Variants in GRID2 observed in about 807,000 individuals in gnomAD.
GRID2 encodes the protein glutamate receptor ionotropic, delta-2.
In GRID2, 33 loss-of-function variants were observed where a neutral mutation model predicts 114.8. The ratio of observed to expected loss-of-function variants is 0.29; its 90% CI spans 0.22 to 0.38. GRID2 has a LOEUF of 0.38. Among genes scored for constraint, GRID2 ranks in the 10% least tolerant of loss-of-function variants. GRID2 has a pLI of 1.00. For synonymous variants in GRID2, 505 were observed against 449.9 expected, an observed-to-expected ratio of 1.12 and a Z score of -1.55; for missense variants, 1,184 against 1,257.7, an observed-to-expected ratio of 0.94 and a Z score of 0.89.
chr4:92,375,433 T>G (rs1729309056), intron 1 of GRID2, among the ~76,000 whole-genome samples: 1 of 152,152 alleles, frequency 6.6e-6, no homozygotes, highest in African/African-American at 2.4e-5. Flanking sequence ...GCTTTGAAAA[T>G]TATAGTATCC....
At chr4:92,529,701 A>C (rs2149148756) in intron 1 of GRID2, among the ~76,000 whole-genome samples, 1 of 152,230 alleles carries the variant, frequency 6.6e-6, no homozygotes, top group Non-Finnish European at 1.5e-5. Context: ...GAGGTGTTAA[A>C]GGATTTAAGC....
At chr4:93,707,579 C>A (rs1388694679) in intron 14 of GRID2, among the ~76,000 whole-genome samples, 1 of 151,724 alleles carries the variant, frequency 6.6e-6, no homozygotes, top group Non-Finnish European at 1.5e-5. Context: ...TTATTTGGCT[C>A]TTCTCTCTTT....
At chr4:93,450,931 G>A (rs1453037472) in intron 10 of GRID2, among the ~76,000 whole-genome samples, 1 of 151,612 alleles carries the variant, frequency 6.6e-6, no homozygotes, top group East Asian at 1.9e-4. Flanking sequence ...AATTATTCAG[G>A]ATATTAATCT....
At chr4:93,296,930 CT>C (rs964236173) in intron 8 of GRID2, among the ~76,000 whole-genome samples, 4 of 152,166 alleles carry the variant, frequency 2.6e-5, no homozygotes, top group African/African-American at 4.8e-5. Context: ...GTGATTCCCC[CT>C]ATATTGTATT....
chr4:93,227,261 A>G (rs915653970), intron 7 of GRID2, among the ~76,000 whole-genome samples: 4 of 151,822 alleles, frequency 2.6e-5, no homozygotes, highest in Non-Finnish European at 4.4e-5. Flanking sequence ...TTTTTTTGAC[A>G]GTCTCGCACA....
intron 1 of GRID2, among the ~76,000 whole-genome samples, chr4:92,348,251 A>T (rs554755587): frequency 6.6e-6 from 1 of 152,326 alleles, no homozygotes; most frequent in Admixed American, 6.5e-5. Flanking sequence ...GTCATGAGCC[A>T]CCATGCCTGA....
intron 8 of GRID2, among the ~76,000 whole-genome samples, chr4:93,311,785 C>T (rs540934205): frequency 6.6e-6 from 1 of 152,060 alleles, no homozygotes; most frequent in South Asian, 2.1e-4. Context: ...CCAAATGATG[C>T]TTTGTGTTAA....
At chr4:92,884,091 T>G (rs1430904354) in intron 2 of GRID2, among the ~76,000 whole-genome samples, 2 of 152,174 alleles carry the variant, frequency 1.3e-5, no homozygotes, top group African/African-American at 4.8e-5. Flanking sequence ...TCATCTATGA[T>G]CCTAGCTAGA....
At chr4:92,580,352 A>G (rs1444081252) in intron 1 of GRID2, among the ~76,000 whole-genome samples, 1 of 151,814 alleles carries the variant, frequency 6.6e-6, no homozygotes, top group Non-Finnish European at 1.5e-5. Context: ...AAAATTACAA[A>G]TGAGTTCAGA....
chr4:92,597,629 C>T (rs1321662939), intron 2 of GRID2, among the ~76,000 whole-genome samples: 1 of 152,124 alleles, frequency 6.6e-6, no homozygotes, highest in Admixed American at 6.6e-5. Context: ...TGTGTTCTTT[C>T]TTCTACCAAT....
chr4:93,174,567 G>T (rs927065540), intron 4 of GRID2, among the ~76,000 whole-genome samples: 2 of 152,110 alleles, frequency 1.3e-5, no homozygotes, highest in Non-Finnish European at 2.9e-5. Context: ...GGTCTTTCGG[G>T]TTAAAGGAGG....
chr4:93,121,955 C>T (rs1166894783), intron 4 of GRID2, among the ~76,000 whole-genome samples: 1 of 151,946 alleles, frequency 6.6e-6, no homozygotes, highest in South Asian at 2.1e-4. Flanking sequence ...AAGTTATAGT[C>T]CCCCCTTCTT....
chr4:92,682,682 GCACACACACACACACACA>G (rs57217377), intron 2 of GRID2, among the ~76,000 whole-genome samples: 1 of 142,704 alleles, frequency 7.0e-6, no homozygotes, highest in Non-Finnish European at 1.5e-5. Flanking sequence ...AAATCGCAGG[GCACACACACACACACACA>G]CACACACACA....
At chr4:92,448,994 T>A (rs904285519) in intron 1 of GRID2, among the ~76,000 whole-genome samples, 1 of 152,092 alleles carries the variant, frequency 6.6e-6, no homozygotes, top group African/African-American at 2.4e-5. Flanking sequence ...ACTAATATTT[T>A]ATTATGATAT....
At chr4:92,397,439 G>A (rs934251083) in intron 1 of GRID2, among the ~76,000 whole-genome samples, 6 of 150,918 alleles carry the variant, frequency 4.0e-5, no homozygotes, top group Non-Finnish European at 8.9e-5. Context: ...ACCAAGCCTA[G>A]CACTGACATC....
chr4:93,652,016 T>A lies in GRID2; in HGVS notation c.2360+25581T>A, dbSNP rs556732071. On this transcript the variant is annotated intron_variant, in intron 14 of 15. Transcript: ENST00000282020. ...GAAAGCTTCCTAGTGGAATTGATAC[T>A]GGAAAGATTATTTAAAGAACAATTG... Among the ~76,000 whole-genome samples the A allele has an allele frequency of 8.5e-5, 13 of 152,294 alleles. No individual in the cohort carries two copies. The South Asian group carries it at 2.7e-3, about 32-fold the overall frequency.
intron 2 of GRID2, among the ~76,000 whole-genome samples, chr4:92,975,462 T>C (rs1753814478): frequency 6.6e-6 from 1 of 152,100 alleles, no homozygotes; most frequent in South Asian, 2.1e-4. Flanking sequence ...ATTAGTATCA[T>C]TACTTATATG....
At chr4:93,735,324 T>C (rs1578695696) in intron 14 of GRID2, among the ~76,000 whole-genome samples, 1 of 152,178 alleles carries the variant, frequency 6.6e-6, no homozygotes, top group Admixed American at 6.5e-5. Flanking sequence ...AAGGACTTTT[T>C]CTTTTTTGTC....
chr4:92,348,255 T>G (rs1727881461), intron 1 of GRID2, among the ~76,000 whole-genome samples: 1 of 152,246 alleles, frequency 6.6e-6, no homozygotes, highest in Admixed American at 6.5e-5. Context: ...TGAGCCACCA[T>G]GCCTGACCAG....
Sources: allele counts gnomAD v4.1 joint callset (sites outside exome capture counted in the v4.1 genomes callset), GRCh38; gene constraint gnomAD v4.1.1; transcripts MANE v1.5; gene names NCBI Gene and HGNC (gene_info 2026-07-23, HGNC 2026-07-21).